The following VAV3 variants were observed in gnomAD, a reference collection of about 807,000 sequenced individuals.
VAV3 encodes the protein guanine nucleotide exchange factor VAV3.
In VAV3, 94 loss-of-function variants were observed where a neutral mutation model predicts 131.2. The ratio of observed to expected loss-of-function variants is 0.72; its 90% confidence interval spans 0.61 to 0.85. VAV3 has a LOEUF of 0.85. Among genes scored for constraint, VAV3 ranks in the 40% least tolerant of loss-of-function variants. VAV3 has a pLI of 0.00. For missense variants in VAV3, 939 were observed against 1,002.7 expected (o/e 0.94, Z 0.86); for synonymous variants, 349 against 342.0 (o/e 1.02, Z -0.22).
At chr1:107,833,948 G>A (rs1431907945) in intron 2 of VAV3, among the ~76,000 whole-genome samples, 1 of 152,108 alleles carries the variant, frequency 6.6e-6, no homozygotes, top group Non-Finnish European at 1.5e-5. Flanking sequence ...CACTCCTTAG[G>A]TTCATTGCTC....
At chr1:107,912,193 G>C (rs1384494448) in intron 1 of VAV3, among the ~76,000 whole-genome samples, 1 of 151,984 alleles carries the variant, frequency 6.6e-6, no homozygotes, top group Non-Finnish European at 1.5e-5. Flanking sequence ...ATCTCTTTCT[G>C]ACACAAAAAA....
chr1:107,681,742 C>T (rs552931146), intron 19 of VAV3, among the ~76,000 whole-genome samples: 1 of 151,744 alleles, frequency 6.6e-6, no homozygotes, highest in Admixed American at 6.6e-5. Flanking sequence ...CAAGTTCTGC[C>T]TCCCGGGCTC....
intron 24 of VAV3, among the ~76,000 whole-genome samples, chr1:107,597,603 G>A (rs1455410078): frequency 6.6e-6 from 1 of 152,148 alleles, no homozygotes; most frequent in African/African-American, 2.4e-5. Context: ...TGAAGAACTA[G>A]TAAAATTACA....
intron 24 of VAV3, among the ~76,000 whole-genome samples, chr1:107,601,823 C>T (rs145947076): frequency 4.3e-4 from 65 of 152,066 alleles, no homozygotes; most frequent in Middle Eastern, 3.4e-3. Flanking sequence ...TGTGATTTGA[C>T]AATATACTAT....
intron 15 of VAV3, among the ~76,000 whole-genome samples, chr1:107,746,580 A>G (rs900329904): frequency 6.6e-6 from 1 of 152,174 alleles, no homozygotes; most frequent in Non-Finnish European, 1.5e-5. Context: ...ACAACTACCC[A>G]TTCCTCCCTT....
intron 17 of VAV3, among the ~76,000 whole-genome samples, chr1:107,690,806 C>T (rs1659378168): frequency 6.6e-6 from 1 of 152,160 alleles, no homozygotes; most frequent in East Asian, 1.9e-4. Flanking sequence ...TTTCTCCTTG[C>T]TATCCCTTCC....
chr1:107,809,186 T>G (rs1667202589), intron 2 of VAV3, among the ~76,000 whole-genome samples: 1 of 152,188 alleles, frequency 6.6e-6, no homozygotes. Flanking sequence ...CCTCATCATT[T>G]CTTTCTTTGG....
At chr1:107,784,460 T>C (rs1455806858) in intron 2 of VAV3, among the ~76,000 whole-genome samples, 1 of 152,218 alleles carries the variant, frequency 6.6e-6, no homozygotes, top group Non-Finnish European at 1.5e-5. Flanking sequence ...ATCTTTTCAA[T>C]TATGTGCAGA....
At chr1:107,756,066 G>A (rs994071382) in intron 11 of VAV3, among the ~76,000 whole-genome samples, 1 of 152,186 alleles carries the variant, frequency 6.6e-6, no homozygotes, top group Non-Finnish European at 1.5e-5. Flanking sequence ...GAGAAGTAAA[G>A]GAGAGGTGAG....
chr1:107,737,597 T>A (rs1389829664), intron 15 of VAV3, among the ~76,000 whole-genome samples: 1 of 152,018 alleles, frequency 6.6e-6, no homozygotes, highest in African/African-American at 2.4e-5. Flanking sequence ...AACAGACACA[T>A]GAAAAAATGC....
intron 20 of VAV3, 135 bp downstream of exon 20, chr1:107,642,484 C>A (rs1655415400): frequency 9.6e-7 from 1 of 1,044,036 alleles, no homozygotes; most frequent in Non-Finnish European, 1.4e-6. Context: ...AGTAGCCATT[C>A]TTTTATTCCT....
chr1:107,889,421 T>C (rs1671208617), intron 1 of VAV3, among the ~76,000 whole-genome samples: 1 of 152,078 alleles, frequency 6.6e-6, no homozygotes, highest in Non-Finnish European at 1.5e-5. Context: ...ATATATAATT[T>C]ATTGTCCAAA....
chr1:107,878,971 A>G (rs1043462896), intron 1 of VAV3, among the ~76,000 whole-genome samples: 1 of 152,072 alleles, frequency 6.6e-6, no homozygotes, highest in African/African-American at 2.4e-5. Flanking sequence ...CAAAAAACAG[A>G]AAAAAAGCTT....
At chr1:107,630,348 A>AGGATGGATGGATGGAT (rs112495050) in intron 20 of VAV3, among the ~76,000 whole-genome samples, 21,642 of 150,696 alleles carry the variant, frequency 0.14, 1,692 homozygotes, top group South Asian at 0.25. Flanking sequence ...AATGGATGGG[A>AGGATGGATGGATGGAT]GGATGGATGG....
intron 4 of VAV3, among the ~76,000 whole-genome samples, chr1:107,774,213 C>T (rs776584411): frequency 5.3e-5 from 8 of 152,130 alleles, no homozygotes; most frequent in East Asian, 1.9e-4. Context: ...ATTACAGGCA[C>T]GCACCACCAT....
intron 2 of VAV3, among the ~76,000 whole-genome samples, chr1:107,824,304 G>A (rs1041109257): frequency 1.3e-5 from 2 of 152,210 alleles, no homozygotes; most frequent in Non-Finnish European, 2.9e-5. Flanking sequence ...AAAGGGAAAT[G>A]AGAATAAGGT....
intron 2 of VAV3, among the ~76,000 whole-genome samples, chr1:107,851,285 A>G (rs1669217407): frequency 6.6e-6 from 1 of 151,432 alleles, no homozygotes; most frequent in Non-Finnish European, 1.5e-5. Context: ...ATTTGTCATC[A>G]TCTGTATCAT....
At chr1:107,614,147 G>A (rs528526179) in intron 21 of VAV3, among the ~76,000 whole-genome samples, 1 of 151,994 alleles carries the variant, frequency 6.6e-6, no homozygotes, top group African/African-American at 2.4e-5. Context: ...TCCTGGAATC[G>A]GGGATATACC....
chr1:107,643,430 G>A (rs1044582746), intron 19 of VAV3, among the ~76,000 whole-genome samples: 2 of 152,088 alleles, frequency 1.3e-5, no homozygotes, highest in African/African-American at 2.4e-5. Flanking sequence ...CTCAGTTCAC[G>A]ATTTCATTTT....
Sources: gnomAD v4.1 joint callset for allele counts (sites outside exome capture counted in the v4.1 genomes callset) on GRCh38, gnomAD v4.1.1 for gene constraint, MANE v1.5 for transcripts, NCBI Gene and HGNC (gene_info 2026-07-23, HGNC 2026-07-21) for gene names.